The following CAMK2D variants were observed in gnomAD, a reference collection of about 807,000 sequenced individuals.
CAMK2D encodes calcium/calmodulin-dependent protein kinase type II subunit delta.
In CAMK2D, 37 loss-of-function variants were observed where a neutral mutation model predicts 84.0. That is an observed-to-expected ratio of 0.44 (90% CI 0.34 to 0.58). The LOEUF (loss-of-function observed/expected upper bound fraction) is 0.58. Among genes scored for constraint, CAMK2D ranks in the 20% least tolerant of loss-of-function variants. The pLI is 0.02. For missense variants in CAMK2D, 448 were observed against 652.5 expected (o/e 0.69, Z 3.41); for synonymous variants, 202 against 212.5 (o/e 0.95, Z 0.43).
intron 2 of CAMK2D, chr4:113,754,671 T>G: frequency 1.0e-6 from 1 of 972,202 alleles, no homozygotes; most frequent in Non-Finnish European, 1.2e-6. Context: ...TTCCTGGAAG[T>G]GTGGATATAC....
chr4:113,642,634 C>G (rs2099136767), intron 3 of CAMK2D, among the ~76,000 whole-genome samples: 1 of 152,206 alleles, frequency 6.6e-6, no homozygotes, highest in South Asian at 2.1e-4. Context: ...AGGCTAAAGG[C>G]TTATTTTCTT....
At chr4:113,507,856 G>GTAT (rs1343025430) in intron 13 of CAMK2D, among the ~76,000 whole-genome samples, 2 of 151,940 alleles carry the variant, frequency 1.3e-5, no homozygotes, top group Non-Finnish European at 2.9e-5. Context: ...CATGGTGAAT[G>GTAT]TATTATGGTG....
At position 113,527,138 on chromosome 4, in the gene CAMK2D, C is replaced by T. The variant is rs182728363; in HGVS notation, c.601+4078G>A. On this transcript the variant is annotated intron_variant, in intron 8 of 20. Coordinates refer to ENST00000511664, the MANE Select transcript of CAMK2D (RefSeq NM_001321571.2). ...ATTTTCAGAAATTATCACAGCTTCC[C>T]CAACCTTTAGCAACAACTATCCTGA... 1.8e-3 allele frequency among the ~76,000 whole-genome samples: 277 copies of T among 152,158 alleles called. 1 individual carries two copies. Among genetic ancestry groups the T allele is most frequent in the African/African-American group, 6.5e-3 (268 of 41,502 alleles).
At chr4:113,483,856 T>C (rs2097732852) in intron 16 of CAMK2D, among the ~76,000 whole-genome samples, 1 of 152,094 alleles carries the variant, frequency 6.6e-6, no homozygotes, top group Admixed American at 6.6e-5. Flanking sequence ...AGGGAACTAA[T>C]GTGGAAGGTG....
At chr4:113,542,693 C>A (rs1227809330) in intron 6 of CAMK2D, among the ~76,000 whole-genome samples, 1 of 146,012 alleles carries the variant, frequency 6.8e-6, no homozygotes, top group African/African-American at 2.6e-5. Context: ...CCAGCCTGGG[C>A]AACAGAGCGA....
At position 113,465,661 on chromosome 4, in the gene CAMK2D, TTC is replaced by T. The variant is rs2097450473; in HGVS notation, c.1136-59_1136-58del. The T allele has an allele frequency of 4.7e-6, 5 of 1,074,226 alleles. No individual in the cohort carries two copies. In the South Asian group the frequency reaches 6.4e-5, roughly 14 times the overall value. The allele number at this position is 1,074,226 out of a possible 1,614,324, so 66.5% of individuals were successfully genotyped here. A position where few individuals can be genotyped will look rare whatever the true frequency, so the allele number is the denominator to read the frequency against. On this transcript the variant is annotated intron_variant, in intron 16 of 20. Coordinates refer to ENST00000511664, the MANE Select transcript of CAMK2D (RefSeq NM_001321571.2). ...TAAAAGACAAAAGTCATATTAAATA[TTC>T]TTTTTCATTTTTAATTTTTGAGATA...
rs117730871 is a variant in CAMK2D at position 113,607,409 on chromosome 4, G to A, written c.275+1743C>T. Among the ~76,000 whole-genome samples the A allele has an allele frequency of 1.8e-3, 280 of 152,186 alleles. 5 individuals are homozygous for A. The East Asian group carries it at 0.022, about 12-fold the overall frequency. On this transcript the variant is annotated intron_variant, in intron 4 of 20. Transcript: ENST00000511664. ...GGCTGCCTACCTGTCAGGCCTCTGA[G>A]CCCAAGCCTGCAGGTACGCATTAAG...
At chr4:113,756,130 A>G (rs1013644010) in intron 2 of CAMK2D, among the ~76,000 whole-genome samples, 1 of 152,004 alleles carries the variant, frequency 6.6e-6, no homozygotes, top group Non-Finnish European at 1.5e-5. Flanking sequence ...ATGTATGACT[A>G]ACAGCTGAGA....
chr4:113,493,133 T>C (rs1374774348), intron 16 of CAMK2D, among the ~76,000 whole-genome samples: 199 of 148,896 alleles, frequency 1.3e-3, no homozygotes, highest in Middle Eastern at 3.4e-3. Context: ...GAGCATTTAG[T>C]CCATTTACAT....
At chr4:113,569,527 T>C (rs17630384) in intron 4 of CAMK2D, among the ~76,000 whole-genome samples, 5,532 of 152,328 alleles carry the variant, frequency 0.036, 347 homozygotes, top group East Asian at 0.2. Context: ...TGTATATATC[T>C]ATAGAGGTTA....
chr4:113,698,258 A>T (rs2099408683), intron 2 of CAMK2D, among the ~76,000 whole-genome samples: 1 of 152,090 alleles, frequency 6.6e-6, no homozygotes, highest in South Asian at 2.1e-4. Flanking sequence ...TTTGCACCAT[A>T]ATAAAGCTGA....
At chr4:113,658,250 C>T (rs1272846019) in intron 3 of CAMK2D, among the ~76,000 whole-genome samples, 2 of 152,152 alleles carry the variant, frequency 1.3e-5, no homozygotes, top group Admixed American at 6.5e-5. Context: ...AAACACAACA[C>T]TGTCAGATTA....
intron 2 of CAMK2D, among the ~76,000 whole-genome samples, chr4:113,676,599 T>C (rs2099319264): frequency 6.6e-6 from 1 of 152,202 alleles, no homozygotes; most frequent in Non-Finnish European, 1.5e-5. Flanking sequence ...GCATAATGAC[T>C]ATTGTGAATT....
intron 3 of CAMK2D, among the ~76,000 whole-genome samples, chr4:113,644,370 GT>G (rs2099143396): frequency 6.6e-6 from 1 of 152,318 alleles, no homozygotes; most frequent in African/African-American, 2.4e-5. Context: ...GCACTTGTGT[GT>G]AAATTCAAAG....
intron 2 of CAMK2D, among the ~76,000 whole-genome samples, chr4:113,682,132 T>C (rs965987317): frequency 6.6e-6 from 1 of 152,146 alleles, no homozygotes; most frequent in African/African-American, 2.4e-5. Context: ...ACTGCAAGAA[T>C]TAAATCAGAT....
At chr4:113,543,383 ATT>A (rs34298070) in intron 6 of CAMK2D, among the ~76,000 whole-genome samples, 40,808 of 141,562 alleles carry the variant, frequency 0.29, 6,632 homozygotes, top group African/African-American at 0.48. Context: ...ATATATATTG[ATT>A]TTTTTTTTTT....
chr4:113,735,466 C>CG (rs2099579176), intron 2 of CAMK2D, among the ~76,000 whole-genome samples: 1 of 124,522 alleles, frequency 8.0e-6, no homozygotes, highest in African/African-American at 4.8e-5. Context: ...CAGAGTGAGA[C>CG]CGTCTCAAAA....
At chr4:113,594,306 A>G (rs1278687396) in intron 4 of CAMK2D, among the ~76,000 whole-genome samples, 1 of 152,204 alleles carries the variant, frequency 6.6e-6, no homozygotes, top group Non-Finnish European at 1.5e-5. Context: ...ACAATTCAAC[A>G]TGAGATCTGG....
intron 2 of CAMK2D, among the ~76,000 whole-genome samples, chr4:113,698,732 G>A (rs921442869): frequency 2.0e-5 from 3 of 151,996 alleles, no homozygotes; most frequent in Admixed American, 2.0e-4. Context: ...TTTTGTGATA[G>A]GTATATGACA....
Sources: gnomAD v4.1 joint callset for allele counts (sites outside exome capture counted in the v4.1 genomes callset) on GRCh38, gnomAD v4.1.1 for gene constraint, MANE v1.5 for transcripts, NCBI Gene and HGNC (gene_info 2026-07-23, HGNC 2026-07-21) for gene names.